USP24: variants seen among roughly 807,000 people sequenced by gnomAD.
USP24 encodes the protein ubiquitin specific peptidase 24.
Under a neutral mutation model 361.6 loss-of-function variants are expected in USP24, and 97 were observed. The observed-to-expected ratio is 0.27, with a 90% CI of 0.23 to 0.32. The LOEUF is 0.32. Ranked by LOEUF, USP24 falls within the 10% of genes least tolerant of loss-of-function variation. The probability of loss-of-function intolerance (pLI) is 1.00; values close to 1 mark genes in which losing one functional copy is unlikely to be tolerated. For synonymous variants in USP24, 1,098 were observed against 1,124.6 expected, an observed-to-expected ratio of 0.98 and a Z score of 0.47; for missense variants, 2,353 against 3,165.6, an observed-to-expected ratio of 0.74 and a Z score of 6.16.
intron 40 of USP24, among the ~76,000 whole-genome samples, chr1:55,106,502 C>CA (rs1242234505): frequency 6.6e-6 from 1 of 152,126 alleles, no homozygotes; most frequent in Non-Finnish European, 1.5e-5. Flanking sequence ...TATGGGCTTA[C>CA]AATACAGTGA....
intron 32 of USP24, among the ~76,000 whole-genome samples, chr1:55,126,808 C>A (rs1646443924): frequency 6.6e-6 from 1 of 152,164 alleles, no homozygotes; most frequent in Non-Finnish European, 1.5e-5. Context: ...CTGTGCCAGA[C>A]CTCCCCTCAG....
At chr1:55,176,524 G>A (rs759307289) in intron 2 of USP24, 81 bp from the exon 3 acceptor site, 43 of 1,271,288 alleles carry the variant, frequency 3.4e-5, no homozygotes, top group Admixed American at 6.2e-5. Flanking sequence ...AATAATACAC[G>A]TTATTTAGGT....
intron 32 of USP24, among the ~76,000 whole-genome samples, chr1:55,127,218 TCCC>T (rs372436194): frequency 0.039 from 5,856 of 151,740 alleles, 351 homozygotes; most frequent in African/African-American, 0.13. Flanking sequence ...CCCTCCCCAC[TCCC>T]CCAACCCCAC....
chr1:55,146,238 T>C (rs1647025947), intron 19 of USP24, 129 bp from the exon 20 acceptor site: 1 of 552,182 alleles, frequency 1.8e-6, no homozygotes, highest in African/African-American at 1.9e-5. Flanking sequence ...CACTCAAAGC[T>C]AAAATGCTTG....
At chr1:55,147,347 A>AT (rs1255669588) in intron 18 of USP24, among the ~76,000 whole-genome samples, 10 of 152,118 alleles carry the variant, frequency 6.6e-5, no homozygotes, top group African/African-American at 2.4e-4. Context: ...GTGAGTTAAG[A>AT]TTTTTTTCCT....
chr1:55,135,814 C>A (rs1646718115), intron 28 of USP24, among the ~76,000 whole-genome samples: 1 of 152,072 alleles, frequency 6.6e-6, no homozygotes, highest in Non-Finnish European at 1.5e-5. Flanking sequence ...CTTTACTTTA[C>A]ATTAGCTTGC....
At chr1:55,079,928 ACT>A (rs1363673010) in intron 59 of USP24, among the ~76,000 whole-genome samples, 9 of 151,972 alleles carry the variant, frequency 5.9e-5, no homozygotes, top group African/African-American at 2.2e-4. Context: ...TCGCACACAC[ACT>A]GAGTACTCAC....
chr1:55,079,696 C>T (rs1365455785), intron 59 of USP24, 37 bp from the exon 60 acceptor site: 2 of 1,507,080 alleles, frequency 1.3e-6, no homozygotes, highest in African/African-American at 1.5e-5. Context: ...GAACCTGTCT[C>T]ACCTGGTGTT....
At chr1:55,169,894 G>A (rs1158167713) in intron 5 of USP24, among the ~76,000 whole-genome samples, 1 of 152,092 alleles carries the variant, frequency 6.6e-6, no homozygotes, top group Non-Finnish European at 1.5e-5. Flanking sequence ...AAATAAAGAG[G>A]TAATGAATCA....
chr1:55,141,140 T>C (rs1646876989), intron 24 of USP24, among the ~76,000 whole-genome samples: 1 of 152,178 alleles, frequency 6.6e-6, no homozygotes, highest in Admixed American at 6.5e-5. Context: ...GCAAGCATAA[T>C]GCATACTTTT....
In USP24 at chr1:55,094,051, T is replaced by G. The variant is rs758419280; in HGVS notation, c.6240A>C (p.Ser2080=). 1.2e-6 allele frequency: 2 copies of G among 1,613,708 alleles called. No individual in the cohort carries two copies. The highest frequency in any genetic ancestry group is 2.2e-5 in the South Asian group (2 of 91,022). ...APSSPEISPQ[S]SPRPHRPNND... ...TGTTCGGCCTATGGGGCCGAGGGGA[T>G]GACTGAGGTGAAATTTCTGGTGAAG... is the stretch of plus-strand genomic sequence containing the variant. Residue 2080 remains serine (S), a synonymous_variant, in exon 52 of 68, where the codon TCA becomes TCC. Coordinates refer to ENST00000294383, the MANE Select transcript of USP24 (RefSeq NM_015306.3).
At chr1:55,200,783 G>C (rs935781963) in intron 1 of USP24, among the ~76,000 whole-genome samples, 47 of 152,110 alleles carry the variant, frequency 3.1e-4, no homozygotes, top group African/African-American at 1.0e-3. Flanking sequence ...TACTAACGTA[G>C]AGCTCACCTA....
rs1644829129 is a variant in USP24, at chr1:55,066,613, G to A, written c.*2432C>T. ...GTAAGTCTGATGATACGGCACTCTA[G>A]TTCCTAAAACTGACTGTAGTTGTCA... is the stretch of plus-strand genomic sequence containing the variant. On this transcript the variant is annotated 3_prime_UTR_variant, in exon 68 of 68. Coordinates refer to ENST00000294383, the MANE Select transcript of USP24 (RefSeq NM_015306.3). 1 of 152,196 alleles carries A rather than the reference G, an allele frequency of 6.6e-6. No homozygotes were observed. The highest frequency in any genetic ancestry group is 6.5e-5 in the Admixed American group (1 of 15,280). 9.4% of individuals were successfully genotyped at this position (152,196 alleles called of 1,614,324 possible). A position where few individuals can be genotyped will look rare whatever the true frequency, so the allele number is the denominator to read the frequency against.
At chr1:55,107,099 A>G in intron 40 of USP24, 140 bp downstream of exon 40, 1 of 947,818 alleles carries the variant, frequency 1.1e-6, no homozygotes, top group South Asian at 2.3e-5. Context: ...CCACTAAAAT[A>G]ACGGACAATT....
rs1030378913 is a variant in USP24 at position 55,107,112 on chromosome 1, C to G, written c.4762+127G>C. On this transcript the variant is annotated intron_variant, in intron 40 of 67. Transcript: ENST00000294383. Reference sequence around the variant, plus strand: ...AGCCACTAAAATAACGGACAATTTCCTACTGTGTGAAGGGTCAATTTTCCA... The same window carrying G: ...AGCCACTAAAATAACGGACAATTTCGTACTGTGTGAAGGGTCAATTTTCCA... 4 of 1,118,492 alleles carry G rather than the reference C, an allele frequency of 3.6e-6. No homozygotes were observed. In the Admixed American group the frequency reaches 9.0e-5, roughly 25 times the overall value. 69.3% of individuals were successfully genotyped at this position (1,118,492 alleles called of 1,614,324 possible).
At chr1:55,168,440 C>T (rs1055782037) in intron 5 of USP24, among the ~76,000 whole-genome samples, 2 of 151,760 alleles carry the variant, frequency 1.3e-5, no homozygotes, top group African/African-American at 4.8e-5. Context: ...TTAAAAAGCT[C>T]AGAAGCTTAA....
Position 55,141,726 on chromosome 1 carries a change from G to A in USP24, c.2640C>T (p.Ala880=), listed in dbSNP as rs754238441. The change falls in exon 24 of 68, where the codon GCC becomes GCT. Residue 880 remains alanine (A), a synonymous_variant. Coordinates refer to ENST00000294383, the MANE Select transcript of USP24 (RefSeq NM_015306.3). ...GAGTGGGGCCACCAAGTGCTGAACT[G>A]GCTGCCTAAAAAATACCAAACAGTC... ...IADCYTRLEA[A]SSALGGPTLT... is the part of the protein sequence containing the mutation. 6 of 1,603,196 alleles carry A rather than the reference G, an allele frequency of 3.7e-6. No homozygotes were observed. The East Asian group carries it at 1.1e-4, about 30-fold the overall frequency.
At chr1:55,176,893 T>C (rs1650033640) in intron 2 of USP24, among the ~76,000 whole-genome samples, 1 of 151,950 alleles carries the variant, frequency 6.6e-6, no homozygotes, top group African/African-American at 2.4e-5. Context: ...CCCAAGAGTT[T>C]GAGACCAGCC....
intron 8 of USP24, among the ~76,000 whole-genome samples, chr1:55,160,711 T>C (rs894739692): frequency 4.6e-5 from 7 of 152,218 alleles, no homozygotes; most frequent in Admixed American, 2.0e-4. Flanking sequence ...TCTGTTTACA[T>C]ATATAAAATC....
Sources: gnomAD v4.1 joint callset for allele counts (sites outside exome capture counted in the v4.1 genomes callset) on GRCh38, gnomAD v4.1.1 for gene constraint, MANE v1.5 for transcripts, NCBI Gene and HGNC (gene_info 2026-07-23, HGNC 2026-07-21) for gene names.